The following SLC15A2 variants were observed in gnomAD, a reference collection of about 807,000 sequenced individuals.
SLC15A2 encodes kidney H(+)/peptide cotransporter.
Under a neutral mutation model 95.5 loss-of-function variants are expected in SLC15A2, and 77 were observed. That is an observed-to-expected ratio of 0.81 (90% CI 0.67 to 0.97). The LOEUF is 0.97. Among genes scored for constraint, SLC15A2 ranks in the 50% least tolerant of loss-of-function variants. The pLI is 0.00. For synonymous variants in SLC15A2, 306 were observed against 306.9 expected, an observed-to-expected ratio of 1.00 and a Z score of 0.03; for missense variants, 893 against 874.4, an observed-to-expected ratio of 1.02 and a Z score of -0.27.
intron 19 of SLC15A2, among the ~76,000 whole-genome samples, chr3:121,936,031 T>G (rs774528102): frequency 2.4e-4 from 37 of 152,234 alleles, no homozygotes; most frequent in Non-Finnish European, 4.7e-4. Context: ...TACCCAGTAG[T>G]CATTCAGGAG....
chr3:121,904,763 T>G (rs1038610394), intron 3 of SLC15A2, among the ~76,000 whole-genome samples: 1 of 152,274 alleles, frequency 6.6e-6, no homozygotes, highest in Non-Finnish European at 1.5e-5. Flanking sequence ...CAGTATTTTA[T>G]TGAGGATTTT....
At position 121,897,535 on chromosome 3, in the gene SLC15A2, G is replaced by A; in HGVS notation, c.335+6G>A. On this transcript the variant is annotated splice_donor_region_variant and intron_variant, in intron 3 of 21. Transcript: ENST00000489711. ...TCGTGGTTGGGAAAATTCAAGTAAG[G>A]AAGATGGGAGGTCACATCCCTACAA... 6.2e-7 allele frequency: 1 copy of A among 1,613,756 alleles called. No individual in the cohort carries two copies. The highest frequency in any genetic ancestry group is 8.5e-7 in the Non-Finnish European group (1 of 1,179,932).
At chr3:121,928,010 C>G (rs1046359618) in intron 14 of SLC15A2, among the ~76,000 whole-genome samples, 171 bp downstream of exon 14, 2 of 152,190 alleles carry the variant, frequency 1.3e-5, no homozygotes, top group African/African-American at 4.8e-5. Flanking sequence ...AACAGCAATG[C>G]AAAATGAGGC....
rs1709879549 is a variant in SLC15A2 at position 121,915,640 on chromosome 3, A to G, written c.644A>G (p.Asp215Gly). 3 of 1,613,964 alleles carry G rather than the reference A, an allele frequency of 1.9e-6. No homozygotes were observed. The highest frequency in any genetic ancestry group is 2.5e-6 in the Non-Finnish European group (3 of 1,179,846). Residue 215 changes from aspartate (D) to glycine (G), a missense_variant, in exon 7 of 22, where the codon GAC (aspartate) becomes GGC (glycine). Transcript: ENST00000489711. ...LRGDVQCFGE[D>G]CYALAFGVPG... Reference sequence around the variant, plus strand: ...GGAGATGTGCAATGTTTTGGAGAAGACTGCTATGCATTGGCTTTTGGAGTT... The same window carrying G: ...GGAGATGTGCAATGTTTTGGAGAAGGCTGCTATGCATTGGCTTTTGGAGTT...
In SLC15A2 at chr3:121,941,059, T is replaced by G. The variant is rs761079256; in HGVS notation, c.*52T>G. Reference sequence around the variant, plus strand: ...CAATTCCTGGCCCTGTCTTGAAGCATTTTTTTTCTTCTACTGGATTAGACA... The same window carrying G: ...CAATTCCTGGCCCTGTCTTGAAGCAGTTTTTTTCTTCTACTGGATTAGACA... On this transcript the variant is annotated 3_prime_UTR_variant, in exon 22 of 22. Coordinates refer to ENST00000489711, the MANE Select transcript of SLC15A2 (RefSeq NM_021082.4). The G allele has an allele frequency of 6.7e-7, 1 of 1,498,622 alleles. No individual in the cohort carries two copies. The highest frequency in any genetic ancestry group is 1.3e-5 in the South Asian group (1 of 78,188). The allele number at this position is 1,498,622 out of a possible 1,614,324, so 92.8% of individuals were successfully genotyped here.
At chr3:121,935,787 T>G (rs891965155) in intron 19 of SLC15A2, among the ~76,000 whole-genome samples, 112 of 152,294 alleles carry the variant, frequency 7.4e-4, no homozygotes, top group African/African-American at 2.5e-3. Flanking sequence ...TGATTTTAGT[T>G]ATTTCTTGCC....
At chr3:121,935,503 G>A (rs1215738964) in intron 19 of SLC15A2, among the ~76,000 whole-genome samples, 1 of 152,292 alleles carries the variant, frequency 6.6e-6, no homozygotes, top group Non-Finnish European at 1.5e-5. Flanking sequence ...GAGGGTGTAT[G>A]TGTCCAGGAA....
At chr3:121,926,158 G>A (rs918568168) in intron 13 of SLC15A2, among the ~76,000 whole-genome samples, 1 of 152,064 alleles carries the variant, frequency 6.6e-6, no homozygotes, top group Non-Finnish European at 1.5e-5. Context: ...ATTTAAAAAA[G>A]GAAAGTAATT....
At chr3:121,940,259 G>A (rs573168517) in intron 20 of SLC15A2, 125 bp from the exon 21 acceptor site, 52 of 652,554 alleles carry the variant, frequency 8.0e-5, no homozygotes, top group African/African-American at 7.8e-4. Context: ...CTGAATCAAT[G>A]TGATAGCTGA....
At chr3:121,934,670 C>T (rs951578928) in intron 19 of SLC15A2, among the ~76,000 whole-genome samples, 7 of 152,192 alleles carry the variant, frequency 4.6e-5, no homozygotes, top group African/African-American at 1.7e-4. Context: ...GGGGCTGAGA[C>T]AATGGGGTTT....
In SLC15A2 at chr3:121,937,815, C is replaced by T. The variant is rs1181454959; in HGVS notation, c.1762-1534C>T. ...TTGTTCCGTTGCTGATGAGGAACTG[C>T]GTTCCTTTGGAGGAGGAGAGGTGCT... On this transcript the variant is annotated intron_variant, in intron 19 of 21. Transcript: ENST00000489711. Among the ~76,000 whole-genome samples, 8 of 152,186 alleles carry T rather than the reference C, an allele frequency of 5.3e-5. 1 individual carries two copies. Among genetic ancestry groups the T allele is most frequent in the East Asian group, 3.9e-4 (2 of 5,192 alleles).
intron 3 of SLC15A2, among the ~76,000 whole-genome samples, chr3:121,897,828 T>C (rs1709448324): frequency 6.6e-6 from 1 of 152,210 alleles, no homozygotes; most frequent in Non-Finnish European, 1.5e-5. Flanking sequence ...TAAATCTTGC[T>C]CTGATCTTGT....
At chr3:121,934,606 T>C (rs1411377608) in intron 19 of SLC15A2, among the ~76,000 whole-genome samples, 14 of 151,292 alleles carry the variant, frequency 9.3e-5, no homozygotes, top group Admixed American at 9.2e-4. Flanking sequence ...TTTTTGTACA[T>C]TGATTTTGTA....
At chr3:121,918,547 G>C (rs1247366102) in intron 7 of SLC15A2, among the ~76,000 whole-genome samples, 1 of 151,286 alleles carries the variant, frequency 6.6e-6, no homozygotes, top group East Asian at 1.9e-4. Flanking sequence ...ATAACTAAAA[G>C]CTAGAAGAGT....
intron 3 of SLC15A2, among the ~76,000 whole-genome samples, chr3:121,905,123 T>C (rs891881958): frequency 1.3e-5 from 2 of 152,242 alleles, no homozygotes; most frequent in East Asian, 3.8e-4. Flanking sequence ...CTAGATTTTC[T>C]AGTTTATTTG....
chr3:121,921,930 C>G (rs1296578577), intron 7 of SLC15A2, among the ~76,000 whole-genome samples: 1 of 152,132 alleles, frequency 6.6e-6, no homozygotes, highest in African/African-American at 2.4e-5. Flanking sequence ...ACATGAAAGT[C>G]TCAATAGATA....
chr3:121,915,758 A>T, intron 7 of SLC15A2, 65 bp downstream of exon 7: 1 of 1,145,882 alleles, frequency 8.7e-7, no homozygotes, highest in East Asian at 2.3e-5. Flanking sequence ...AGCATCATGT[A>T]GGCACTTTAC....
At chr3:121,923,618 G>A (rs1311085604) in intron 11 of SLC15A2, among the ~76,000 whole-genome samples, 1 of 152,178 alleles carries the variant, frequency 6.6e-6, no homozygotes, top group Non-Finnish European at 1.5e-5. Flanking sequence ...TACGCAATTG[G>A]TCTATCTCTT....
intron 3 of SLC15A2, among the ~76,000 whole-genome samples, chr3:121,901,274 C>G (rs993508802): frequency 6.6e-6 from 1 of 152,198 alleles, no homozygotes; most frequent in African/African-American, 2.4e-5. Flanking sequence ...ACCTCTGTCT[C>G]CCAAACTGCT....
Sources: allele counts gnomAD v4.1 joint callset (sites outside exome capture counted in the v4.1 genomes callset), GRCh38; gene constraint gnomAD v4.1.1; transcripts MANE v1.5; gene names NCBI Gene and HGNC (gene_info 2026-07-23, HGNC 2026-07-21).